Variants in THRB observed in about 807,000 individuals in gnomAD.
THRB encodes the protein thyroid hormone receptor beta, also known as nuclear receptor subfamily 1 group A member 2.
THRB carries 12 observed loss-of-function variants against 47.8 expected under a neutral mutation model. The ratio of observed to expected loss-of-function variants is 0.25; its 90% CI spans 0.16 to 0.41. The LOEUF is 0.41. Among genes scored for constraint, THRB ranks in the 10% least tolerant of loss-of-function variants. The probability of loss-of-function intolerance (pLI) is 1.00; values close to 1 mark genes in which losing one functional copy is unlikely to be tolerated. For synonymous variants in THRB, 218 were observed against 212.2 expected, an observed-to-expected ratio of 1.03 and a Z score of -0.24; for missense variants, 348 against 589.2, an observed-to-expected ratio of 0.59 and a Z score of 4.24.
chr3:24,409,829 T>C (rs2068126941), intron 1 of THRB, among the ~76,000 whole-genome samples: 1 of 151,826 alleles, frequency 6.6e-6, no homozygotes, highest in South Asian at 2.1e-4. Context: ...GGATTCCATA[T>C]GTTCCTGAAC....
rs553711932 is a variant in THRB at position 24,176,243 on chromosome 3, TTAGA to T, written c.283+13827_283+13830del. Among the ~76,000 whole-genome samples, 484 of 152,296 alleles carry T rather than the reference TTAGA, an allele frequency of 3.2e-3. 1 individual carries two copies. Among genetic ancestry groups the T allele is most frequent in the Middle Eastern group, 0.02 (6 of 294 alleles). The stretch of plus-strand genomic sequence containing the variant: ...TTTAATGTATTTTTTAATTTAATCA[TTAGA>T]TAAAGTAGATATGTTTCCCCTTAAT... On this transcript the variant is annotated intron_variant, in intron 5 of 10. Transcript: ENST00000646209.
At chr3:24,397,713 G>C (rs2067079092) in intron 1 of THRB, among the ~76,000 whole-genome samples, 1 of 150,874 alleles carries the variant, frequency 6.6e-6, no homozygotes, top group South Asian at 2.1e-4. Flanking sequence ...CTCCCAAGTA[G>C]TTGAGATTAC....
At position 24,234,779 on chromosome 3, in the gene THRB, G is replaced by C. The variant is rs550105182; in HGVS notation, c.-42-5778C>G. Among the ~76,000 whole-genome samples the C allele has an allele frequency of 1.1e-4, 16 of 152,338 alleles. No homozygotes were observed. The East Asian group carries it at 3.1e-3, about 29-fold the overall frequency. On this transcript the variant is annotated intron_variant, in intron 3 of 10. Coordinates refer to ENST00000646209, the MANE Select transcript of THRB (RefSeq NM_001354712.2). ...TGTGAGTTTGGCTTTGGAAAAATGAGCTGGGATTTTTTTCCACGCCAGGGA... is the reference window on the plus strand; with the variant it reads ...TGTGAGTTTGGCTTTGGAAAAATGACCTGGGATTTTTTTCCACGCCAGGGA...
At chr3:24,145,380 T>C (rs1235293769) in intron 7 of THRB, among the ~76,000 whole-genome samples, 1 of 152,138 alleles carries the variant, frequency 6.6e-6, no homozygotes, top group Non-Finnish European at 1.5e-5. Context: ...TTTATTTCCA[T>C]ACAGTCTAGA....
At chr3:24,395,386 T>A (rs1418392941) in intron 1 of THRB, among the ~76,000 whole-genome samples, 1 of 152,122 alleles carries the variant, frequency 6.6e-6, no homozygotes, top group Admixed American at 6.6e-5. Flanking sequence ...GAAATCTGTA[T>A]CTAAAATACG....
At chr3:24,196,328 T>C (rs1438557773) in intron 4 of THRB, among the ~76,000 whole-genome samples, 2 of 152,096 alleles carry the variant, frequency 1.3e-5, no homozygotes, top group Admixed American at 6.6e-5. Context: ...AGGTGGTCAT[T>C]AGAGAGGCCA....
At chr3:24,423,259 C>G (rs770979918) in intron 1 of THRB, among the ~76,000 whole-genome samples, 4 of 151,824 alleles carry the variant, frequency 2.6e-5, no homozygotes, top group Admixed American at 6.6e-5. Flanking sequence ...TCATCATTAT[C>G]TGAAGCCACT....
intron 4 of THRB, among the ~76,000 whole-genome samples, chr3:24,214,420 G>A (rs1008423653): frequency 6.6e-6 from 1 of 152,100 alleles, no homozygotes; most frequent in Non-Finnish European, 1.5e-5. Context: ...AGCAAGAGAG[G>A]AAAAAATAGG....
At chr3:24,425,687 T>A (rs563813476) in intron 1 of THRB, among the ~76,000 whole-genome samples, 6 of 152,060 alleles carry the variant, frequency 3.9e-5, no homozygotes, top group African/African-American at 1.4e-4. Context: ...CCTTCTCTGA[T>A]TATTAGAGAT....
chr3:24,464,265 A>T (rs1327048650), intron 1 of THRB, among the ~76,000 whole-genome samples: 4 of 152,126 alleles, frequency 2.6e-5, no homozygotes, highest in Non-Finnish European at 4.4e-5. Context: ...GAAAAAAAAA[A>T]AAGAAAAATA....
At chr3:24,432,114 G>C (rs536484989) in intron 1 of THRB, among the ~76,000 whole-genome samples, 8 of 152,062 alleles carry the variant, frequency 5.3e-5, no homozygotes, top group South Asian at 4.2e-4. Flanking sequence ...ATGAGTGTTG[G>C]CTTCATGGGG....
At chr3:24,440,319 C>G (rs2071405055) in intron 1 of THRB, among the ~76,000 whole-genome samples, 1 of 152,138 alleles carries the variant, frequency 6.6e-6, no homozygotes, top group Admixed American at 6.5e-5. Context: ...TCTATACCCT[C>G]ATCAAAATCA....
At chr3:24,312,358 T>G (rs1383719511) in intron 2 of THRB, among the ~76,000 whole-genome samples, 2 of 152,226 alleles carry the variant, frequency 1.3e-5, no homozygotes, top group East Asian at 3.8e-4. Flanking sequence ...TCATAGCTCT[T>G]GTACCTAGCA....
At chr3:24,265,406 G>A (rs1444690483) in intron 3 of THRB, among the ~76,000 whole-genome samples, 2 of 152,140 alleles carry the variant, frequency 1.3e-5, no homozygotes, top group Non-Finnish European at 2.9e-5. Context: ...TCTCAGTAAA[G>A]AATTGATCAG....
intron 3 of THRB, among the ~76,000 whole-genome samples, chr3:24,237,264 G>A (rs145471230): frequency 4.8e-4 from 73 of 152,292 alleles, no homozygotes; most frequent in African/African-American, 1.7e-3. Flanking sequence ...AATGACTGTT[G>A]AATGGCAAAG....
intron 3 of THRB, among the ~76,000 whole-genome samples, chr3:24,253,028 G>T (rs969068102): frequency 1.3e-5 from 2 of 151,656 alleles, no homozygotes; most frequent in Non-Finnish European, 2.9e-5. Context: ...AAGAATAAAT[G>T]AATACAATAC....
At chr3:24,324,908 C>T (rs1268412596) in intron 2 of THRB, among the ~76,000 whole-genome samples, 2 of 152,104 alleles carry the variant, frequency 1.3e-5, no homozygotes, top group Admixed American at 6.5e-5. Flanking sequence ...ATGTATTATA[C>T]TATTTAAGAT....
chr3:24,333,403 C>T (rs953512149), intron 2 of THRB, among the ~76,000 whole-genome samples: 4 of 152,112 alleles, frequency 2.6e-5, no homozygotes, highest in African/African-American at 4.8e-5. Context: ...CCAAAGTCCC[C>T]GGAATGGAGA....
intron 1 of THRB, among the ~76,000 whole-genome samples, chr3:24,442,037 T>G (rs1398592730): frequency 6.7e-6 from 1 of 148,712 alleles, no homozygotes; most frequent in Non-Finnish European, 1.5e-5. Flanking sequence ...GTGGGCTAAA[T>G]TTTTTTTTTC....
Sources: gnomAD v4.1 joint callset for allele counts (sites outside exome capture counted in the v4.1 genomes callset) on GRCh38, gnomAD v4.1.1 for gene constraint, MANE v1.5 for transcripts, NCBI Gene and HGNC (gene_info 2026-07-23, HGNC 2026-07-21) for gene names.